Variants in ASIC2 observed in about 807,000 individuals in gnomAD.
ASIC2 encodes acid sensing ion channel subunit 2, also known as acid-sensing ion channel 2.
Under a neutral mutation model 57.3 loss-of-function variants are expected in ASIC2, and 25 were observed. The ratio of observed to expected loss-of-function variants is 0.44; its 90% confidence interval spans 0.32 to 0.61. The LOEUF is 0.61. ASIC2 is among the 20% of genes least tolerant of loss of function. ASIC2 has a pLI of 0.06. For missense variants in ASIC2, 641 were observed against 738.1 expected, an observed-to-expected ratio of 0.87 and a Z score of 1.52; for synonymous variants, 319 against 307.5, an observed-to-expected ratio of 1.04 and a Z score of -0.39.
At position 33,625,180 on chromosome 17, in the gene ASIC2, A is replaced by G. The variant is rs553134831; in HGVS notation, c.556-513113T>C. On this transcript the variant is annotated intron_variant, in intron 1 of 9. Transcript: ENST00000359872. ...CTATCTATCTATCTATCTATCATCTATTATCTATCTATTATCTGTCATCTA... is the reference window on the plus strand; with the variant it reads ...CTATCTATCTATCTATCTATCATCTGTTATCTATCTATTATCTGTCATCTA... 2.8e-5 allele frequency among the ~76,000 whole-genome samples: 4 copies of G among 144,126 alleles called. No homozygotes were observed. In the East Asian group the frequency reaches 6.1e-4, roughly 22 times the overall value. 94.6% of individuals were successfully genotyped at this position (144,126 alleles called of 152,430 possible).
intron 1 of ASIC2, among the ~76,000 whole-genome samples, chr17:33,674,751 C>T (rs1441216598): frequency 4.6e-5 from 7 of 152,090 alleles, no homozygotes; most frequent in African/African-American, 1.7e-4. Context: ...TAGTGCTGTC[C>T]CTGGCTGGCC....
At chr17:33,519,382 A>T (rs562177885) in intron 1 of ASIC2, among the ~76,000 whole-genome samples, 65 of 152,166 alleles carry the variant, frequency 4.3e-4, no homozygotes, top group Non-Finnish European at 8.8e-4. Context: ...CCTTAAACAC[A>T]GTTGGCCTCG....
chr17:33,520,067 C>G (rs1311502934), intron 1 of ASIC2, among the ~76,000 whole-genome samples: 1 of 152,148 alleles, frequency 6.6e-6, no homozygotes, highest in Non-Finnish European at 1.5e-5. Context: ...TCCTACCATC[C>G]AAGAGCTGAT....
intron 1 of ASIC2, among the ~76,000 whole-genome samples, chr17:33,419,581 C>T (rs1011846706): frequency 7.9e-5 from 12 of 152,326 alleles, no homozygotes; most frequent in African/African-American, 2.2e-4. Flanking sequence ...GCAGAAAATA[C>T]AGCAATAGCT....
intron 1 of ASIC2, among the ~76,000 whole-genome samples, chr17:33,483,342 A>T (rs917392528): frequency 6.6e-6 from 1 of 152,344 alleles, no homozygotes; most frequent in East Asian, 1.9e-4. Context: ...ACAGCCACAC[A>T]TCTGGACTGC....
intron 1 of ASIC2, among the ~76,000 whole-genome samples, chr17:33,790,177 T>C (rs774896943): frequency 5.9e-5 from 9 of 152,232 alleles, no homozygotes; most frequent in African/African-American, 1.7e-4. Flanking sequence ...TTTTGCAAGA[T>C]AGAATTCATG....
intron 1 of ASIC2, among the ~76,000 whole-genome samples, chr17:33,561,447 G>A (rs1277757843): frequency 6.6e-6 from 1 of 152,154 alleles, no homozygotes; most frequent in Non-Finnish European, 1.5e-5. Flanking sequence ...CCCACCTGTA[G>A]CAAGGCAACC....
At chr17:34,142,284 G>A (rs142756392) in intron 1 of ASIC2, among the ~76,000 whole-genome samples, 11 of 152,154 alleles carry the variant, frequency 7.2e-5, no homozygotes, top group African/African-American at 2.2e-4. Context: ...GCTATATCCC[G>A]TGAGGAAGGG....
At chr17:34,140,553 G>C (rs1912244813) in intron 1 of ASIC2, among the ~76,000 whole-genome samples, 1 of 152,044 alleles carries the variant, frequency 6.6e-6, no homozygotes, top group Admixed American at 6.5e-5. Flanking sequence ...GCTGAGGAAG[G>C]AAATGAAGAA....
intron 1 of ASIC2, among the ~76,000 whole-genome samples, chr17:33,897,231 G>C (rs1029315056): frequency 6.6e-5 from 10 of 152,212 alleles, no homozygotes; most frequent in Non-Finnish European, 1.0e-4. Context: ...CTCACTCAGA[G>C]ACCACTTCCT....
chr17:33,882,896 T>C (rs1199137475), intron 1 of ASIC2, among the ~76,000 whole-genome samples: 2 of 152,226 alleles, frequency 1.3e-5, no homozygotes, highest in African/African-American at 4.8e-5. Context: ...TAAGAAAATG[T>C]GGCACATATA....
At chr17:33,539,829 A>C (rs1915351323) in intron 1 of ASIC2, among the ~76,000 whole-genome samples, 1 of 152,226 alleles carries the variant, frequency 6.6e-6, no homozygotes, top group African/African-American at 2.4e-5. Context: ...TGCAGGGAAC[A>C]ACATGAGACC....
At chr17:33,992,220 A>G (rs898240124) in intron 1 of ASIC2, among the ~76,000 whole-genome samples, 4 of 152,222 alleles carry the variant, frequency 2.6e-5, no homozygotes, top group African/African-American at 9.6e-5. Context: ...GCATAGACTA[A>G]GTAAAATTCT....
intron 1 of ASIC2, among the ~76,000 whole-genome samples, chr17:33,826,346 C>T (rs1168273434): frequency 2.0e-5 from 3 of 152,148 alleles, no homozygotes; most frequent in Non-Finnish European, 4.4e-5. Context: ...CAGAGACATC[C>T]CTTTTTGGGG....
intron 1 of ASIC2, among the ~76,000 whole-genome samples, chr17:33,473,073 G>A (rs1171660045): frequency 6.6e-6 from 1 of 152,232 alleles, no homozygotes; most frequent in African/African-American, 2.4e-5. Context: ...TAATCAATAA[G>A]TACCATCTTG....
At chr17:33,745,973 A>G (rs1163602938) in intron 1 of ASIC2, among the ~76,000 whole-genome samples, 4 of 152,128 alleles carry the variant, frequency 2.6e-5, no homozygotes, top group Non-Finnish European at 5.9e-5. Flanking sequence ...ATATGTATAT[A>G]ATTGCATTGT....
intron 1 of ASIC2, among the ~76,000 whole-genome samples, chr17:34,103,772 T>C (rs1301445000): frequency 6.6e-6 from 1 of 152,142 alleles, no homozygotes; most frequent in Non-Finnish European, 1.5e-5. Context: ...CATAAACATG[T>C]GTATCTATTT....
chr17:33,051,591 T>TA (rs1349181066), intron 3 of ASIC2, among the ~76,000 whole-genome samples: 2 of 152,216 alleles, frequency 1.3e-5, no homozygotes, highest in African/African-American at 4.8e-5. Flanking sequence ...TCAGATGTCC[T>TA]AAGCTTGAAA....
chr17:33,365,231 G>C (rs902355753), intron 1 of ASIC2, among the ~76,000 whole-genome samples: 5 of 152,282 alleles, frequency 3.3e-5, no homozygotes, highest in African/African-American at 1.2e-4. Flanking sequence ...ATCCAGCTTG[G>C]CTATTTCCCT....
Sources: gnomAD v4.1 joint callset for allele counts (sites outside exome capture counted in the v4.1 genomes callset) on GRCh38, gnomAD v4.1.1 for gene constraint, MANE v1.5 for transcripts, NCBI Gene and HGNC (gene_info 2026-07-23, HGNC 2026-07-21) for gene names.